HDLBP: variants seen among roughly 807,000 people sequenced by gnomAD.
HDLBP encodes the protein high density lipoprotein binding protein, also known as vigilin.
In HDLBP, 30 loss-of-function variants were observed where a neutral mutation model predicts 137.3. The observed-to-expected ratio is 0.22, with a 90% CI of 0.16 to 0.30. The LOEUF (loss-of-function observed/expected upper bound fraction) is 0.30. HDLBP is among the 10% of genes least tolerant of loss of function. The probability of loss-of-function intolerance (pLI) is 1.00; values close to 1 mark genes in which losing one functional copy is unlikely to be tolerated. For synonymous variants in HDLBP, 606 were observed against 596.0 expected (o/e 1.02, Z -0.24); for missense variants, 1,119 against 1,667.3 (o/e 0.67, Z 5.73).
At chr2:241,273,309 T>C in intron 1 of HDLBP, 1 of 884,118 alleles carries the variant, frequency 1.1e-6, no homozygotes, top group Non-Finnish European at 1.4e-6. Flanking sequence ...CCCTCACTTT[T>C]ATAAACTATC....
intron 1 of HDLBP, among the ~76,000 whole-genome samples, chr2:241,279,749 G>A (rs1487243691): frequency 5.3e-5 from 8 of 152,330 alleles, no homozygotes; most frequent in Non-Finnish European, 7.3e-5. Context: ...ACGAGCGAAC[G>A]ATCCCACTTC....
At chr2:241,242,963 G>A (rs1698215993) in intron 16 of HDLBP, among the ~76,000 whole-genome samples, 1 of 152,146 alleles carries the variant, frequency 6.6e-6, no homozygotes, top group South Asian at 2.1e-4. Flanking sequence ...TGGATTGGGA[G>A]GTGGGAGCGT....
chr2:241,260,661 G>C (rs1457273056), intron 5 of HDLBP, among the ~76,000 whole-genome samples: 1 of 152,128 alleles, frequency 6.6e-6, no homozygotes, highest in African/African-American at 2.4e-5. Flanking sequence ...GCACTGATAG[G>C]GAACTTTACA....
chr2:241,272,660 G>A lies in HDLBP; in HGVS notation c.-102-4119C>T. ...GGCACCCGGGCCCCTCCCCCTCCGC[G>A]GCCTCCACGTCAGCAGCCACCCCCC... On this transcript the variant is annotated intron_variant, in intron 1 of 27. Transcript: ENST00000310931. This position sits in a 1 kb window ranked among gnomAD's most constrained non-coding sequence, Gnocchi z 5.6. 1 of 911,198 alleles carries A rather than the reference G, an allele frequency of 1.1e-6. No individual in the cohort carries two copies. Among genetic ancestry groups the A allele is most frequent in the Non-Finnish European group, 1.3e-6 (1 of 774,264 alleles). 56.4% of individuals were successfully genotyped at this position (911,198 alleles called of 1,614,324 possible). A position where few individuals can be genotyped will look rare whatever the true frequency, so the allele number is the denominator to read the frequency against.
chr2:241,260,627 T>C (rs969715871), intron 5 of HDLBP, among the ~76,000 whole-genome samples: 1 of 152,202 alleles, frequency 6.6e-6, no homozygotes, highest in South Asian at 2.1e-4. Context: ...CAATCACCAA[T>C]TGATAGTAAA....
At chr2:241,253,351 CCCTT>C in intron 10 of HDLBP, 38 bp downstream of exon 10, 2 of 1,368,958 alleles carry the variant, frequency 1.5e-6, no homozygotes, top group African/African-American at 2.8e-5. Context: ...CTCAGAGCCT[CCCTT>C]GTCACCAGCA....
intron 9 of HDLBP, among the ~76,000 whole-genome samples, 153 bp downstream of exon 9, chr2:241,254,898 G>A (rs1164082234): frequency 2.0e-5 from 3 of 152,094 alleles, no homozygotes; most frequent in South Asian, 2.1e-4. Flanking sequence ...AAGCTAACAC[G>A]GAAGTTGACC....
At chr2:241,304,931 CCTA>C (rs1384351973) in intron 1 of HDLBP, among the ~76,000 whole-genome samples, 5 of 152,204 alleles carry the variant, frequency 3.3e-5, no homozygotes, top group African/African-American at 1.2e-4. Flanking sequence ...TGTCTCTTCT[CCTA>C]TAAAAAGTTG....
chr2:241,233,813 C>T lies in HDLBP; in HGVS notation c.3288+7G>A, dbSNP rs1407018061. ...TGCCCCCGACACGCTCCAACCGAGGCTCTCACCTGGTTCCCATCGTCCTTA... is the reference window on the plus strand; with the variant it reads ...TGCCCCCGACACGCTCCAACCGAGGTTCTCACCTGGTTCCCATCGTCCTTA... On this transcript the variant is annotated splice_region_variant and intron_variant, in intron 24 of 27. Coordinates refer to ENST00000310931, the MANE Select transcript of HDLBP (RefSeq NM_005336.6). The surrounding 1 kb of genome is among the most constrained non-coding windows in gnomAD (Gnocchi z 4.3). The T allele has an allele frequency of 1.9e-6, 3 of 1,614,086 alleles. No homozygotes were observed. Among genetic ancestry groups the T allele is most frequent in the Non-Finnish European group, 2.5e-6 (3 of 1,180,014 alleles).
chr2:241,311,409 TGA>T (rs1478372742), intron 1 of HDLBP, among the ~76,000 whole-genome samples: 4 of 152,142 alleles, frequency 2.6e-5, no homozygotes, highest in Admixed American at 6.5e-5. Context: ...TCCATCGAAG[TGA>T]GACAGTCAAA....
intron 3 of HDLBP, 63 bp from the exon 4 acceptor site, chr2:241,264,668 T>C (rs1236104579): frequency 1.3e-6 from 2 of 1,515,660 alleles, no homozygotes; most frequent in Non-Finnish European, 1.8e-6. Flanking sequence ...AAAACACTTT[T>C]AAGGGTTTTA....
At position 241,240,843 on chromosome 2, in the gene HDLBP, C is replaced by G. The variant is rs1014315884; in HGVS notation, c.2170-721G>C. 7.2e-5 allele frequency among the ~76,000 whole-genome samples: 11 copies of G among 152,174 alleles called. No individual in the cohort carries two copies. Among genetic ancestry groups the G allele is most frequent in the Admixed American group, 1.3e-4 (2 of 15,278 alleles). ...CCACGCAGGGGCCCCGAGAAGGGCG[C>G]TGCTCCACGGGACTCAGGTCCACAC... On this transcript the variant is annotated intron_variant, in intron 17 of 27. Transcript: ENST00000310931. This position sits in a 1 kb window ranked among gnomAD's most constrained non-coding sequence, Gnocchi z 5.5.
At chr2:241,241,459 C>T (rs756049949) in intron 17 of HDLBP, among the ~76,000 whole-genome samples, 2 of 149,854 alleles carry the variant, frequency 1.3e-5, no homozygotes, top group African/African-American at 2.5e-5. Flanking sequence ...CCCAGCTACT[C>T]GGGAGGCTGA....
chr2:241,255,902 C>T lies in HDLBP; in HGVS notation c.873+282G>A, dbSNP rs56296818. Among the ~76,000 whole-genome samples the T allele has an allele frequency of 6.8e-3, 1,032 of 152,346 alleles. 10 individuals are homozygous for T. The highest frequency in any genetic ancestry group is 0.023 in the African/African-American group (964 of 41,578). On this transcript the variant is annotated intron_variant, in intron 7 of 27. Coordinates refer to ENST00000310931, the MANE Select transcript of HDLBP (RefSeq NM_005336.6). ...GCTGAGCTAACAGCTTAATCTAAGA[C>T]GTGAACAAGTCCGGGATGTGCATCT...
intron 1 of HDLBP, among the ~76,000 whole-genome samples, chr2:241,299,422 C>G (rs1372137879): frequency 7.3e-6 from 1 of 136,670 alleles, no homozygotes; most frequent in African/African-American, 2.8e-5. Flanking sequence ...GAGGCTGAGG[C>G]AGGAGAATCA....
At chr2:241,256,507 C>T in intron 6 of HDLBP, 93 bp downstream of exon 6, 1 of 1,510,520 alleles carries the variant, frequency 6.6e-7, no homozygotes, top group Non-Finnish European at 9.1e-7. Flanking sequence ...CCACATTATG[C>T]CTTGAAGTCC....
intron 23 of HDLBP, among the ~76,000 whole-genome samples, chr2:241,234,529 A>G (rs2070171203): frequency 6.6e-6 from 1 of 152,204 alleles, no homozygotes; most frequent in Non-Finnish European, 1.5e-5. Flanking sequence ...GTGGAAAGCC[A>G]ACCCCCTTAG....
intron 1 of HDLBP, among the ~76,000 whole-genome samples, chr2:241,277,044 G>A (rs1037895432): frequency 6.7e-6 from 1 of 149,450 alleles, no homozygotes; most frequent in African/African-American, 2.5e-5. Context: ...AACATTCTCA[G>A]ACCACCACTC....
At chr2:241,289,905 G>C (rs1044596545) in intron 1 of HDLBP, among the ~76,000 whole-genome samples, 1 of 152,028 alleles carries the variant, frequency 6.6e-6, no homozygotes, top group Non-Finnish European at 1.5e-5. Flanking sequence ...TGCACGTGTG[G>C]GATGAATGGA....
Sources: gnomAD v4.1 joint callset for allele counts (sites outside exome capture counted in the v4.1 genomes callset) on GRCh38, gnomAD v4.1.1 for gene constraint, Gnocchi (gnomAD v3.1) non-coding constraint, MANE v1.5 for transcripts, NCBI Gene and HGNC (gene_info 2026-07-23, HGNC 2026-07-21) for gene names.